Variants in SORCS2 observed in about 807,000 individuals in gnomAD.
The protein encoded by SORCS2 is VPS10 domain-containing receptor SorCS2.
SORCS2 carries 100 observed loss-of-function variants against 141.6 expected under a neutral mutation model. The observed-to-expected ratio is 0.71, with a 90% confidence interval of 0.60 to 0.83. The LOEUF is 0.83. Ranked by LOEUF, SORCS2 falls within the 40% of genes least tolerant of loss-of-function variation. SORCS2 has a pLI of 0.00. For synonymous variants in SORCS2, 789 were observed against 676.9 expected (o/e 1.17, Z -2.57); for missense variants, 1,646 against 1,560.2 (o/e 1.05, Z -0.93).
chr4:7,539,153 C>G (rs1047956713), intron 3 of SORCS2, among the ~76,000 whole-genome samples: 1 of 152,200 alleles, frequency 6.6e-6, no homozygotes, highest in South Asian at 2.1e-4. Context: ...CACCACCCCC[C>G]AAAGCCTTCC....
intron 3 of SORCS2, among the ~76,000 whole-genome samples, chr4:7,548,909 C>T (rs1053528632): frequency 2.0e-5 from 3 of 152,234 alleles, no homozygotes; most frequent in African/African-American, 7.2e-5. Context: ...CAACACCCAG[C>T]AGGCCACTTT....
intron 3 of SORCS2, among the ~76,000 whole-genome samples, chr4:7,618,813 C>T (rs1190207085): frequency 1.4e-5 from 2 of 147,476 alleles, no homozygotes; most frequent in African/African-American, 5.0e-5. Flanking sequence ...ATTGCTTTTA[C>T]TTATTGTCTG....
rs1025150892 is a variant in SORCS2 at position 7,657,794 on chromosome 4, ATGAG to A, written c.887+3599_887+3602del. ...AGTGAGTCTGTGACTGGGTGAGTGAATGAGTGAGTGAGTGAATGAGTGAGTGGGT... is the reference window on the plus strand; with the variant it reads ...AGTGAGTCTGTGACTGGGTGAGTGAATGAGTGAGTGAATGAGTGAGTGGGT... On this transcript the variant is annotated intron_variant, in intron 5 of 26. Coordinates refer to ENST00000507866, the MANE Select transcript of SORCS2 (RefSeq NM_020777.3). 2.2e-4 allele frequency among the ~76,000 whole-genome samples: 31 copies of A among 144,092 alleles called. 1 individual carries two copies. The highest frequency in any genetic ancestry group is 4.4e-4 in the African/African-American group (17 of 38,564). The allele number at this position is 144,092 out of a possible 152,430, so 94.5% of individuals were successfully genotyped here.
At chr4:7,631,685 G>T (rs778194680) in intron 3 of SORCS2, among the ~76,000 whole-genome samples, 1 of 152,050 alleles carries the variant, frequency 6.6e-6, no homozygotes, top group Non-Finnish European at 1.5e-5. Context: ...CTCCTATCCC[G>T]GGGGGTCCAC....
intron 11 of SORCS2, among the ~76,000 whole-genome samples, chr4:7,695,081 A>G (rs1385944159): frequency 1.3e-5 from 2 of 151,794 alleles, no homozygotes; most frequent in Non-Finnish European, 2.9e-5. Flanking sequence ...AGCTCAGCAC[A>G]GGGCTGTGCA....
At chr4:7,645,339 G>C (rs779019684) in intron 4 of SORCS2, among the ~76,000 whole-genome samples, 2 of 152,176 alleles carry the variant, frequency 1.3e-5, no homozygotes, top group Non-Finnish European at 2.9e-5. Flanking sequence ...TGTGAGATGG[G>C]AATTGCTGAC....
chr4:7,572,028 C>A (rs921548955), intron 3 of SORCS2, among the ~76,000 whole-genome samples: 2 of 152,168 alleles, frequency 1.3e-5, no homozygotes, highest in African/African-American at 4.8e-5. Flanking sequence ...TTTGCCCCTA[C>A]GTATGTCTGG....
intron 3 of SORCS2, among the ~76,000 whole-genome samples, chr4:7,620,923 C>A (rs1373221286): frequency 6.6e-6 from 1 of 152,132 alleles, no homozygotes; most frequent in Non-Finnish European, 1.5e-5. Context: ...GTATTCCAGG[C>A]CCCCGAGTGC....
At chr4:7,568,718 C>G (rs1380302438) in intron 3 of SORCS2, among the ~76,000 whole-genome samples, 1 of 152,208 alleles carries the variant, frequency 6.6e-6, no homozygotes, top group Non-Finnish European at 1.5e-5. Flanking sequence ...CCACCAGGTT[C>G]CTGTGAGTTG....
At chr4:7,254,720 T>C (rs1032827633) in intron 1 of SORCS2, among the ~76,000 whole-genome samples, 1 of 152,218 alleles carries the variant, frequency 6.6e-6, no homozygotes, top group Non-Finnish European at 1.5e-5. Context: ...TTGGATGCTC[T>C]GAGCAGTGCT....
chr4:7,446,688 AGCCCCTGTTCCTG>A (rs1436758776), intron 2 of SORCS2, among the ~76,000 whole-genome samples: 1 of 152,052 alleles, frequency 6.6e-6, no homozygotes, highest in Non-Finnish European at 1.5e-5. Context: ...GCTTCCTTTG[AGCCCCTGTTCCTG>A]GCATACAAGG....
intron 2 of SORCS2, among the ~76,000 whole-genome samples, chr4:7,428,482 G>A (rs1002842966): frequency 2.0e-5 from 3 of 152,208 alleles, no homozygotes; most frequent in African/African-American, 7.2e-5. Context: ...CCAGATAGCC[G>A]AGTAGAGTCA....
In SORCS2 at chr4:7,667,614, A is replaced by G. The variant is rs73202533; in HGVS notation, c.1161+401A>G. 6.7e-3 allele frequency among the ~76,000 whole-genome samples: 1,021 copies of G among 152,172 alleles called. 7 individuals carry two copies. Among genetic ancestry groups the G allele is most frequent in the Non-Finnish European group, 0.012 (782 of 67,986 alleles). ...CCAGGGACCCCTCCCTCCAGTGTCC[A>G]TCTCCTGCTCTCCTCTGATATTGCT... On this transcript the variant is annotated intron_variant, in intron 8 of 26. Coordinates refer to ENST00000507866, the MANE Select transcript of SORCS2 (RefSeq NM_020777.3).
rs1731044995 is a variant in SORCS2, at chr4:7,487,264, A to C, written c.549-44266A>C. Among the ~76,000 whole-genome samples, 3 of 152,200 alleles carry C rather than the reference A, an allele frequency of 2.0e-5. No homozygotes were observed. In the South Asian group the frequency reaches 6.2e-4, roughly 32 times the overall value. On this transcript the variant is annotated intron_variant, in intron 2 of 26. Transcript: ENST00000507866. The stretch of plus-strand genomic sequence containing the variant: ...AAGCCTTCTCTGGGTAATAAATCGA[A>C]GTTCTGTTTTCACAAGCTGTCTGTT...
rs140842686 is a variant in SORCS2, at chr4:7,249,770, G to A, written c.480+56644G>A. ...ACACAGAACTCCCTTCCCCTCCTGC[G>A]GTATTGACATGTGCAGTATAGACGA... On this transcript the variant is annotated intron_variant, in intron 1 of 26. Coordinates refer to ENST00000507866, the MANE Select transcript of SORCS2 (RefSeq NM_020777.3). Among the ~76,000 whole-genome samples the A allele has an allele frequency of 8.8e-4, 134 of 152,240 alleles. 1 individual carries two copies. The highest frequency in any genetic ancestry group is 2.9e-3 in the African/African-American group (121 of 41,548).
intron 1 of SORCS2, among the ~76,000 whole-genome samples, chr4:7,356,030 C>T (rs1429336105): frequency 6.6e-6 from 1 of 152,226 alleles, no homozygotes; most frequent in African/African-American, 2.4e-5. Context: ...TTGAGATGTC[C>T]ACGCTTGTTG....
chr4:7,311,561 T>C (rs1057328440), intron 1 of SORCS2, among the ~76,000 whole-genome samples: 2 of 152,228 alleles, frequency 1.3e-5, no homozygotes, highest in Non-Finnish European at 2.9e-5. Context: ...GTGAAGACTT[T>C]AGAGTCGTGT....
chr4:7,192,862 C>A lies in SORCS2; in HGVS notation c.216C>A (p.Pro72=). 3 of 1,063,128 alleles carry A rather than the reference C, an allele frequency of 2.8e-6. No individual in the cohort carries two copies. The highest frequency in any genetic ancestry group is 2.3e-6 in the Non-Finnish European group (2 of 882,392). 65.9% of individuals were successfully genotyped at this position (1,063,128 alleles called of 1,614,324 possible). A position where few individuals can be genotyped will look rare whatever the true frequency, so the allele number is the denominator to read the frequency against. ...AQLTRVPRSP[P]AGRAEPGGGE... The stretch of plus-strand genomic sequence containing the variant: ...TGACCCGGGTGCCGCGGAGCCCTCC[C>A]GCGGGGCGCGCGGAGCCCGGTGGCG... The change falls in exon 1 of 27, where the codon CCC becomes CCA. Residue 72 remains proline, a synonymous_variant. Transcript: ENST00000507866. This position sits in a 1 kb window ranked among gnomAD's most constrained non-coding sequence, Gnocchi z 4.0.
intron 4 of SORCS2, among the ~76,000 whole-genome samples, chr4:7,652,286 G>T (rs1577899127): frequency 6.6e-6 from 1 of 152,172 alleles, no homozygotes; most frequent in Non-Finnish European, 1.5e-5. Flanking sequence ...GCGGCTCTGG[G>T]CCTTGCCCGT....
Sources: allele counts gnomAD v4.1 joint callset (sites outside exome capture counted in the v4.1 genomes callset), GRCh38; gene constraint gnomAD v4.1.1; non-coding constraint Gnocchi (gnomAD v3.1); transcripts MANE v1.5; gene names NCBI Gene and HGNC (gene_info 2026-07-23, HGNC 2026-07-21).